The following NBR1 variants were observed in gnomAD, a reference collection of about 807,000 sequenced individuals.
NBR1 encodes the protein NBR1 autophagy cargo receptor.
In NBR1, 59 loss-of-function variants were observed where a neutral mutation model predicts 115.5. That is an observed-to-expected ratio of 0.51 (90% confidence interval 0.41 to 0.63). The LOEUF is 0.63. Among genes scored for constraint, NBR1 ranks in the 30% least tolerant of loss-of-function variants. The pLI is 0.00. For synonymous variants in NBR1, 373 were observed against 414.7 expected, an observed-to-expected ratio of 0.90 and a Z score of 1.22; for missense variants, 1,043 against 1,150.5, an observed-to-expected ratio of 0.91 and a Z score of 1.35.
chr17:43,206,628 C>T (rs1424437418), intron 20 of NBR1, among the ~76,000 whole-genome samples: 3 of 151,252 alleles, frequency 2.0e-5, no homozygotes, highest in Admixed American at 2.0e-4. Context: ...GCACTCCAGC[C>T]TGGGTGACAG....
chr17:43,194,600 C>A, intron 13 of NBR1, 101 bp downstream of exon 13: 1 of 1,276,336 alleles, frequency 7.8e-7, no homozygotes. Context: ...AGAGATATGC[C>A]CACTTTGATC....
In NBR1 at chr17:43,201,699, G is replaced by GT. The variant is rs1233671377; in HGVS notation, c.2483dup (p.His829ThrfsTer22). The stretch of plus-strand genomic sequence containing the variant: ...TCTTTCTGAAAGGAGCTCTCCTTGT[G>GT]TACATCATCATGGTTCCCCAGGAGT... On this transcript the variant is annotated frameshift_variant, in exon 18 of 21. Transcript: ENST00000590996. LOFTEE classifies it high-confidence loss of function. 2 of 1,602,184 alleles carry GT rather than the reference G, an allele frequency of 1.2e-6. No individual in the cohort carries two copies. Among genetic ancestry groups the GT allele is most frequent in the Non-Finnish European group, 1.7e-6 (2 of 1,169,276 alleles).
At chr17:43,177,416 G>A (rs2056545142) in intron 2 of NBR1, among the ~76,000 whole-genome samples, 1 of 150,688 alleles carries the variant, frequency 6.6e-6, no homozygotes, top group African/African-American at 2.4e-5. Flanking sequence ...GGGTCACAAA[G>A]CATTTTATTT....
intron 2 of NBR1, chr17:43,176,269 C>A (rs755681175): frequency 5.9e-6 from 1 of 168,774 alleles, no homozygotes; most frequent in African/African-American, 2.4e-5. Context: ...GTGTTTTGCA[C>A]AAGGATATAA....
chr17:43,195,924 C>T (rs2057057392), intron 14 of NBR1: 2 of 152,356 alleles, frequency 1.3e-5, no homozygotes, highest in South Asian at 2.1e-4. Context: ...AAGTTCAAGA[C>T]CAGCCTGGCC....
intron 20 of NBR1, among the ~76,000 whole-genome samples, chr17:43,209,042 C>T (rs2057368047): frequency 6.6e-6 from 1 of 151,622 alleles, no homozygotes; most frequent in Non-Finnish European, 1.5e-5. Context: ...CACCACAGGG[C>T]TTGAATGAAT....
At chr17:43,199,494 C>T (rs1341689914) in intron 16 of NBR1, among the ~76,000 whole-genome samples, 1 of 152,054 alleles carries the variant, frequency 6.6e-6, no homozygotes, top group Non-Finnish European at 1.5e-5. Flanking sequence ...CCTGCCTCAG[C>T]CTCCCGAGTA....
rs2057200630 is a variant in NBR1 at position 43,201,689 on chromosome 17, C to G, written c.2472C>G (p.Ser824Arg). ...VVELPPSLPR[S>R]SPCVHHHGSP... ...CCATATTGTGTCTTTCTGAAAGGAG[C>G]TCTCCTTGTGTACATCATCATGGTT... Residue 824 changes from serine (S) to arginine (R), a missense_variant, in exon 18 of 21, where the codon AGC (serine) becomes AGG (arginine). By Grantham distance (110) the Ser-to-Arg change is moderately radical (BLOSUM62 -1). Coordinates refer to ENST00000590996, the MANE Select transcript of NBR1 (RefSeq NM_005899.5). The G allele has an allele frequency of 1.3e-6, 2 of 1,589,622 alleles. No homozygotes were observed. The highest frequency in any genetic ancestry group is 2.7e-5 in the African/African-American group (2 of 74,430).
chr17:43,182,786 C>T (rs538723374), intron 5 of NBR1, among the ~76,000 whole-genome samples: 8 of 150,628 alleles, frequency 5.3e-5, no homozygotes, highest in East Asian at 3.9e-4. Flanking sequence ...TTTTTTGCGA[C>T]GGAGTCTCGC....
chr17:43,177,932 A>T lies in NBR1; in HGVS notation c.103-4A>T, dbSNP rs745457526. The T allele has an allele frequency of 2.0e-4, 306 of 1,526,404 alleles. 1 individual carries two copies. Among genetic ancestry groups the T allele is most frequent in the Non-Finnish European group, 6.3e-6 (7 of 1,119,914 alleles). The allele number at this position is 1,526,404 out of a possible 1,614,324, so 94.6% of individuals were successfully genotyped here. A position where few individuals can be genotyped will look rare whatever the true frequency, so the allele number is the denominator to read the frequency against. On this transcript the variant is annotated splice_polypyrimidine_tract_variant and splice_region_variant and intron_variant, in intron 2 of 20. Transcript: ENST00000590996. ...CTGCCTTTAAATATGTATCTCTTTT[A>T]TAGGTAAAAGTTTCATTTGATCTGA...
chr17:43,178,896 A>C (rs1021332414), intron 3 of NBR1, among the ~76,000 whole-genome samples: 1 of 151,548 alleles, frequency 6.6e-6, no homozygotes, highest in African/African-American at 2.4e-5. Flanking sequence ...CTGGGTAGCT[A>C]GGACATACCT....
At chr17:43,209,393 T>C (rs968477099) in intron 20 of NBR1, among the ~76,000 whole-genome samples, 7 of 152,076 alleles carry the variant, frequency 4.6e-5, no homozygotes, top group Non-Finnish European at 8.8e-5. Context: ...CCTATTCTTT[T>C]GGAGGAGAAA....
intron 20 of NBR1, among the ~76,000 whole-genome samples, chr17:43,207,618 C>G (rs2057341715): frequency 6.6e-6 from 1 of 152,216 alleles, no homozygotes. Context: ...CTTCAGCCTC[C>G]CAAATTGCTG....
rs1191527924 is a variant in NBR1, at chr17:43,210,719, AGGAAGAGT to A, written c.*647_*654del. 51 of 398,550 alleles carry A rather than the reference AGGAAGAGT, an allele frequency of 1.3e-4. No individual in the cohort carries two copies. The highest frequency in any genetic ancestry group is 1.1e-3 in the Admixed American group (24 of 22,726). 24.7% of individuals were successfully genotyped at this position (398,550 alleles called of 1,614,324 possible). ...GGAATCTCCGCATTTCAATGAAAGG[AGGAAGAGT>A]GTGCTGATAAACCTACCAGCACCTA... On this transcript the variant is annotated 3_prime_UTR_variant, in exon 21 of 21. Transcript: ENST00000590996.
intron 5 of NBR1, among the ~76,000 whole-genome samples, chr17:43,182,282 A>T (rs933573925): frequency 7.1e-6 from 1 of 141,760 alleles, no homozygotes; most frequent in Non-Finnish European, 1.5e-5. Flanking sequence ...CGGTGGCGCA[A>T]TCTTGGCTCA....
intron 19 of NBR1, among the ~76,000 whole-genome samples, chr17:43,203,228 A>T (rs1023800938): frequency 6.6e-6 from 1 of 152,098 alleles, no homozygotes; most frequent in African/African-American, 2.4e-5. Flanking sequence ...AGCACTGGGG[A>T]AAAGGTAGAA....
At chr17:43,174,825 G>GTGGC (rs527377006) in intron 1 of NBR1, among the ~76,000 whole-genome samples, 244 of 151,842 alleles carry the variant, frequency 1.6e-3, no homozygotes, top group African/African-American at 5.6e-3. Flanking sequence ...GCCAGGTGCG[G>GTGGC]TGGCTCATGC....
chr17:43,183,496 G>T (rs1184350564), intron 5 of NBR1, among the ~76,000 whole-genome samples: 3 of 149,502 alleles, frequency 2.0e-5, no homozygotes, highest in Non-Finnish European at 2.9e-5. Flanking sequence ...TGGGATTACA[G>T]GCATGAGCCA....
At position 43,200,485 on chromosome 17, in the gene NBR1, G is replaced by C; in HGVS notation, c.2345G>C (p.Arg782Thr). ...AGQEPAEAGE[R>T]LPGGENQPQE... Reference sequence around the variant, plus strand: ...CAGGAACCAGCTGAGGCTGGGGAAAGACTCCCTGGAGGGGAGAACCAGCCA... The same window carrying C: ...CAGGAACCAGCTGAGGCTGGGGAAACACTCCCTGGAGGGGAGAACCAGCCA... Residue 782 changes from arginine to threonine, a missense_variant, in exon 17 of 21, where the codon AGA (arginine) becomes ACA (threonine). Arg to Thr is a moderately conservative substitution (Grantham distance 71, BLOSUM62 -1). Coordinates refer to ENST00000590996, the MANE Select transcript of NBR1 (RefSeq NM_005899.5). 2.5e-6 allele frequency: 4 copies of C among 1,613,730 alleles called. No individual in the cohort carries two copies. The highest frequency in any genetic ancestry group is 3.4e-6 in the Non-Finnish European group (4 of 1,179,806).
Sources: allele counts gnomAD v4.1 joint callset (sites outside exome capture counted in the v4.1 genomes callset), GRCh38; gene constraint gnomAD v4.1.1; transcripts MANE v1.5; gene names NCBI Gene and HGNC (gene_info 2026-07-23, HGNC 2026-07-21).